SLC39A4: variants seen among roughly 807,000 people sequenced by gnomAD.
SLC39A4 encodes zinc transporter ZIP4.
SLC39A4 carries 49 observed loss-of-function variants against 56.6 expected under a neutral mutation model. The observed-to-expected ratio is 0.87, with a 90% confidence interval of 0.69 to 1.10. SLC39A4 has a LOEUF of 1.10. SLC39A4 is among the 50% of genes least tolerant of loss of function. The pLI, the probability that SLC39A4 is intolerant of heterozygous loss-of-function variation, is 0.00. For synonymous variants in SLC39A4, 540 were observed against 420.4 expected (o/e 1.28, Z -3.48); for missense variants, 993 against 864.2 (o/e 1.15, Z -1.87).
chr8:144,414,826 G>C lies in SLC39A4; in HGVS notation c.875C>G (p.Ala292Gly). The C allele has an allele frequency of 6.2e-7, 1 of 1,613,170 alleles. No homozygotes were observed. The highest frequency in any genetic ancestry group is 8.5e-7 in the Non-Finnish European group (1 of 1,179,978). ...LSEQAGVTPE[A>G]WAQLSPALLQ... The stretch of plus-strand genomic sequence containing the variant: ...CAGGGCAGGGCTCAGTTGGGCCCAG[G>C]CCTCCGGGGTCACCCCAGCCTGTTC... The change falls in exon 5 of 12, where the codon GCC (alanine) becomes GGC (glycine). Residue 292 changes from alanine (A) to glycine (G), a missense_variant. By Grantham distance (60) the Ala-to-Gly change is moderately conservative. Transcript: ENST00000301305.
At chr8:144,414,121 G>T (rs561791700) in intron 6 of SLC39A4, 26 bp from the exon 7 acceptor site, 5 of 1,554,868 alleles carry the variant, frequency 3.2e-6, no homozygotes, top group Middle Eastern at 1.9e-4. Context: ...GCTGGGCTGG[G>T]GGGGAGGTCC....
At chr8:144,416,235 G>A (rs200738512) in intron 1 of SLC39A4, 144 bp from the exon 2 acceptor site, 391 of 1,577,424 alleles carry the variant, frequency 2.5e-4, no homozygotes, top group Middle Eastern at 8.3e-4. Flanking sequence ...GCGCCCTTCC[G>A]TCTCCCCAGG....
intron 2 of SLC39A4, 115 bp from the exon 3 acceptor site, chr8:144,415,534 C>T: frequency 7.7e-7 from 1 of 1,295,498 alleles, no homozygotes; most frequent in Non-Finnish European, 1.1e-6. Context: ...CCAGCCCCGC[C>T]CCTCCCTGGA....
rs1554872671 is a variant in SLC39A4, at chr8:144,413,860, C to A, written c.1309G>T (p.Gly437Cys). 2 of 1,601,598 alleles carry A rather than the reference C, an allele frequency of 1.2e-6. No homozygotes were observed. Among genetic ancestry groups the A allele is most frequent in the South Asian group, 2.2e-5 (2 of 89,528 alleles). Residue 437 changes from glycine to cysteine, a missense_variant, in exon 8 of 12, where the codon GGC becomes TGC. Gly to Cys is a radical substitution (Grantham distance 159). Transcript: ENST00000301305. ...CCCCCGTGGCTATGGCTGCTGTGGC[C>A]GCAGGGCCCGTCCTCCAGGTCCTGT... ...DPEDLEDGPC[G>C]HSSHSHGGHS...
chr8:144,414,048 G>A lies in SLC39A4; in HGVS notation c.1197C>T (p.Pro399=). Reference sequence around the variant, plus strand: ...CCAGCATAGCCAGGAGGCGCCAGGTGGGCTGTGGGCTGAGGCCCTCTTCGC... The same window carrying A: ...CCAGCATAGCCAGGAGGCGCCAGGTAGGCTGTGGGCTGAGGCCCTCTTCGC... The part of the protein sequence containing the change: ...THSEEGLSPQ[P]TWRLLAMLAG... Residue 399 remains proline, a synonymous_variant, in exon 7 of 12, where the codon CCC becomes CCT. Transcript: ENST00000301305. 6.3e-7 allele frequency: 1 copy of A among 1,575,200 alleles called. No individual in the cohort carries two copies. Among genetic ancestry groups the A allele is most frequent in the Non-Finnish European group, 8.6e-7 (1 of 1,160,290 alleles).
Position 144,412,643 on chromosome 8 carries a change from C to T in SLC39A4, c.1839G>A (p.Arg613=). 1 of 1,614,062 alleles carries T rather than the reference C, an allele frequency of 6.2e-7. No individual in the cohort carries two copies. Among genetic ancestry groups the T allele is most frequent in the South Asian group, 1.1e-5 (1 of 91,082 alleles). ...GGAAGAGGAGCCAGGGCCGCGGGTC[C>T]CGTACTTTCAACATCGCCGGGAGCT... is the stretch of plus-strand genomic sequence containing the variant. ...CDMLPAMLKV[R]DPRPWLLFLL... is the part of the protein sequence containing the mutation. Residue 613 remains arginine, a synonymous_variant, in exon 12 of 12, where the codon CGG becomes CGA. Transcript: ENST00000301305.
chr8:144,415,024 C>T lies in SLC39A4; in HGVS notation c.754G>A (p.Asp252Asn). The T allele has an allele frequency of 6.2e-7, 1 of 1,611,588 alleles. No individual in the cohort carries two copies. Among genetic ancestry groups the T allele is most frequent in the Non-Finnish European group, 8.5e-7 (1 of 1,179,704 alleles). Residue 252 changes from aspartate to asparagine, a missense_variant, in exon 4 of 12, where the codon GAC becomes AAC. Asp to Asn is a conservative substitution (Grantham distance 23). Coordinates refer to ENST00000301305, the MANE Select transcript of SLC39A4 (RefSeq NM_130849.4). ...SHRHRGASSR[D>N]PVPLISSSNS... is the part of the protein sequence containing the mutation. ...CTGGAGCTGATGAGGGGCACAGGGT[C>T]CCGGCTGCTGGCTCCCCTGTGCCGA... is the stretch of plus-strand genomic sequence containing the variant.
intron 1 of SLC39A4, chr8:144,416,307 C>A (rs1288792962): frequency 1.1e-5 from 17 of 1,515,910 alleles, no homozygotes; most frequent in East Asian, 2.4e-5. Flanking sequence ...AGTGGTCCCC[C>A]ATCCCCAGGG....
At chr8:144,415,751 C>T (rs781843208) in intron 2 of SLC39A4, 59 bp downstream of exon 2, 189 of 1,525,256 alleles carry the variant, frequency 1.2e-4, no homozygotes, top group Non-Finnish European at 1.6e-4. Context: ...CAGGCCGGGT[C>T]CCATGGGCCG....
rs781811453 is a variant in SLC39A4 at position 144,412,722 on chromosome 8, C to A, written c.1815+37G>T. 5 of 1,613,382 alleles carry A rather than the reference C, an allele frequency of 3.1e-6. No individual in the cohort carries two copies. The South Asian group carries it at 5.5e-5, about 18-fold the overall frequency. Reference sequence around the variant, plus strand: ...CCCTGCTCAGCTCCTCTGCTCAGCTCCCGGCCCAGAGCAGCCCCTCCCCTC... The same window carrying A: ...CCCTGCTCAGCTCCTCTGCTCAGCTACCGGCCCAGAGCAGCCCCTCCCCTC... On this transcript the variant is annotated intron_variant, in intron 11 of 11. Coordinates refer to ENST00000301305, the MANE Select transcript of SLC39A4 (RefSeq NM_130849.4).
intron 2 of SLC39A4, 94 bp downstream of exon 2, chr8:144,415,716 C>A: frequency 6.9e-7 from 1 of 1,443,846 alleles, no homozygotes; most frequent in Non-Finnish European, 9.1e-7. Context: ...CCCCAGGCCC[C>A]CAGGCTCCCC....
intron 10 of SLC39A4, 56 bp from the exon 11 acceptor site, chr8:144,413,002 C>G: frequency 6.5e-7 from 1 of 1,535,632 alleles, no homozygotes; most frequent in South Asian, 1.2e-5. Context: ...CCCCGCCCAC[C>G]TCCTTTCGGT....
In SLC39A4 at chr8:144,415,216, C is replaced by T. The variant is rs782061341; in HGVS notation, c.667+11G>A. 2 of 1,612,906 alleles carry T rather than the reference C, an allele frequency of 1.2e-6. No homozygotes were observed. Among genetic ancestry groups the T allele is most frequent in the Non-Finnish European group, 1.7e-6 (2 of 1,179,828 alleles). ...GGGGTGCCCCCCTCCACAGCCCAGC[C>T]CAGGCCTCACCGGCCAGCGTCATAG... On this transcript the variant is annotated intron_variant, in intron 3 of 11. Coordinates refer to ENST00000301305, the MANE Select transcript of SLC39A4 (RefSeq NM_130849.4).
At position 144,416,004 on chromosome 8, in the gene SLC39A4, C is replaced by T. The variant is rs1186025498; in HGVS notation, c.280G>A (p.Ala94Thr). 12 of 1,580,654 alleles carry T rather than the reference C, an allele frequency of 7.6e-6. No individual in the cohort carries two copies. Among genetic ancestry groups the T allele is most frequent in the East Asian group, 4.6e-5 (2 of 43,708 alleles). The change falls in exon 2 of 12, where the codon GCC becomes ACC. Residue 94 changes from alanine to threonine, a missense_variant. Coordinates refer to ENST00000301305, the MANE Select transcript of SLC39A4 (RefSeq NM_130849.4). ...AGGACGGCGGCGGCACTGAGGCGGG[C>T]GACGTACCTGGCCTCCAGGACCGGG... is the stretch of plus-strand genomic sequence containing the variant. ...PGPVLEARYVARLSAAAVLYL... is the reference protein window; with the variant it reads ...PGPVLEARYVTRLSAAAVLYL...
rs1822230216 is a variant in SLC39A4, at chr8:144,416,831, G to A, written c.-42C>T. 2 of 1,583,488 alleles carry A rather than the reference G, an allele frequency of 1.3e-6. No individual in the cohort carries two copies. The highest frequency in any genetic ancestry group is 2.3e-5 in the South Asian group (2 of 87,524). ...GCTCAGTGGGTGTTGCTGTGGCCAA[G>A]GCCCAGTGCTTCTGGGCTGGCTGAG... On this transcript the variant is annotated 5_prime_UTR_variant, in exon 1 of 12. Transcript: ENST00000301305.
intron 10 of SLC39A4, 71 bp downstream of exon 10, chr8:144,413,165 AC>A (rs1564706683): frequency 8.1e-6 from 9 of 1,105,812 alleles, no homozygotes; most frequent in Non-Finnish European, 1.1e-5. Flanking sequence ...GGCCCCGCCC[AC>A]CTGTTCCAGG....
Position 144,415,825 on chromosome 8 carries a change from G to T in SLC39A4, c.459C>A (p.Gly153=). Residue 153 remains glycine, a synonymous_variant, in exon 2 of 12, where the codon GGC becomes GGA. Transcript: ENST00000301305. ...TCTCCCTCACCATCTTGGGGGTCTG[G>T]CCGGCAGCCCGGGCCTGCATCCTCT... ...LLQRMQARAA[G]QTPKMACVDI... The T allele has an allele frequency of 6.3e-7, 1 of 1,594,606 alleles. No individual in the cohort carries two copies. Among genetic ancestry groups the T allele is most frequent in the Non-Finnish European group, 8.5e-7 (1 of 1,175,626 alleles).
In SLC39A4 at chr8:144,413,846, A is replaced by G. The variant is rs143819461; in HGVS notation, c.1323T>C (p.His441=). The G allele has an allele frequency of 1.2e-4, 185 of 1,598,228 alleles. No individual in the cohort carries two copies. The highest frequency in any genetic ancestry group is 1.5e-4 in the Non-Finnish European group (180 of 1,175,760). ...CACCGTGGCTGTGGCCCCCGTGGCT[A>G]TGGCTGCTGTGGCCGCAGGGCCCGT... ...LEDGPCGHSS[H]SHGGHSHGVS... The change falls in exon 8 of 12, where the codon CAT becomes CAC. Residue 441 remains histidine, a synonymous_variant. Coordinates refer to ENST00000301305, the MANE Select transcript of SLC39A4 (RefSeq NM_130849.4).
Position 144,413,534 on chromosome 8 carries a change from C to T in SLC39A4, c.1453G>A (p.Glu485Lys), listed in dbSNP as rs1821998642. The T allele has an allele frequency of 1.3e-6, 2 of 1,556,110 alleles. No homozygotes were observed. Among genetic ancestry groups the T allele is most frequent in the South Asian group, 1.2e-5 (1 of 84,670 alleles). ...TCACCTGGGCTCAGTCTCCTGGGCT[C>T]AGGGTTCAGCAGCTCCGGGCTCTCC... ...AEESPELLNP[E>K]PRRLSPELRL... The change falls in exon 9 of 12, where the codon GAG becomes AAG. Residue 485 changes from glutamate to lysine, a missense_variant. Glu to Lys is a moderately conservative substitution (Grantham distance 56). Coordinates refer to ENST00000301305, the MANE Select transcript of SLC39A4 (RefSeq NM_130849.4).
Sources: allele counts gnomAD v4.1 joint callset, GRCh38; gene constraint gnomAD v4.1.1; transcripts MANE v1.5; gene names NCBI Gene and HGNC (gene_info 2026-07-23, HGNC 2026-07-21).